ZCCHC7: variants seen among roughly 807,000 people sequenced by gnomAD.
ZCCHC7 encodes the protein zinc finger CCHC domain-containing protein 7.
Under a neutral mutation model 52.0 loss-of-function variants are expected in ZCCHC7, and 35 were observed. That is an observed-to-expected ratio of 0.67 (90% CI 0.51 to 0.89). ZCCHC7 has a LOEUF of 0.89. Ranked by LOEUF, ZCCHC7 falls within the 40% of genes least tolerant of loss-of-function variation. The pLI, the probability that ZCCHC7 is intolerant of heterozygous loss-of-function variation, is 0.00. For synonymous variants in ZCCHC7, 217 were observed against 221.5 expected, an observed-to-expected ratio of 0.98 and a Z score of 0.18; for missense variants, 574 against 649.1, an observed-to-expected ratio of 0.88 and a Z score of 1.26.
chr9:37,267,566 CTTTTTTT>C (rs983055913), intron 2 of ZCCHC7, among the ~76,000 whole-genome samples: 1 of 115,294 alleles, frequency 8.7e-6, no homozygotes. Context: ...CTAATTTTTT[CTTTTTTT>C]TTTTTTTTTT....
intron 2 of ZCCHC7, among the ~76,000 whole-genome samples, chr9:37,184,726 C>A (rs932259522): frequency 1.3e-5 from 2 of 148,564 alleles, no homozygotes; most frequent in Admixed American, 1.3e-4. Context: ...TGTTGAAGTT[C>A]AGGCTGCATG....
chr9:37,244,368 G>A (rs775383713), intron 2 of ZCCHC7, among the ~76,000 whole-genome samples: 1 of 151,552 alleles, frequency 6.6e-6, no homozygotes, highest in Non-Finnish European at 1.5e-5. Flanking sequence ...GTATAGTGAG[G>A]GTTATATTTT....
chr9:37,343,744 A>G (rs928504990), intron 6 of ZCCHC7, among the ~76,000 whole-genome samples: 19 of 152,150 alleles, frequency 1.2e-4, no homozygotes, highest in African/African-American at 4.6e-4. Flanking sequence ...CTCATTCACC[A>G]CCTATTTGTT....
chr9:37,346,975 A>G (rs1821017121), intron 6 of ZCCHC7, among the ~76,000 whole-genome samples: 1 of 152,192 alleles, frequency 6.6e-6, no homozygotes, highest in Non-Finnish European at 1.5e-5. Context: ...CACCTTGGGC[A>G]ACAGGGGAAG....
At position 37,205,553 on chromosome 9, in the gene ZCCHC7, G is replaced by A. The variant is rs144405328; in HGVS notation, c.610+78611G>A. ...TTTTTTTGAGACGGAGTCTCGCTCA[G>A]TCGCCCAGGTTGCAATGCAGAGGCA... On this transcript the variant is annotated intron_variant, in intron 2 of 8. Coordinates refer to ENST00000336755, the MANE Select transcript of ZCCHC7 (RefSeq NM_032226.3). 2.8e-3 allele frequency among the ~76,000 whole-genome samples: 424 copies of A among 152,312 alleles called. 9 individuals are homozygous for A. The highest frequency in any genetic ancestry group is 0.023 in the Admixed American group (351 of 15,304).
chr9:37,244,290 C>T (rs942361340), intron 2 of ZCCHC7, among the ~76,000 whole-genome samples: 3 of 151,128 alleles, frequency 2.0e-5, no homozygotes, highest in Non-Finnish European at 3.0e-5. Context: ...ACTGCCCCAG[C>T]CCTTGTTTTT....
chr9:37,314,528 G>T (rs931464814), intron 5 of ZCCHC7, among the ~76,000 whole-genome samples: 4 of 152,118 alleles, frequency 2.6e-5, no homozygotes, highest in Admixed American at 2.6e-4. Context: ...AATTATCTGA[G>T]TTATGAATTG....
At chr9:37,311,856 C>T (rs1365577677) in intron 5 of ZCCHC7, among the ~76,000 whole-genome samples, 1 of 152,086 alleles carries the variant, frequency 6.6e-6, no homozygotes, top group African/African-American at 2.4e-5. Context: ...GATGTTTCTT[C>T]AATAAATATA....
chr9:37,303,910 A>T (rs1348050032), intron 3 of ZCCHC7, among the ~76,000 whole-genome samples: 1 of 151,682 alleles, frequency 6.6e-6, no homozygotes, highest in African/African-American at 2.4e-5. Context: ...TGATCCGCCC[A>T]CCTCGGCCTC....
chr9:37,149,719 T>C (rs1843602051), intron 2 of ZCCHC7, among the ~76,000 whole-genome samples: 1 of 152,220 alleles, frequency 6.6e-6, no homozygotes, highest in African/African-American at 2.4e-5. Context: ...TATTACTGTT[T>C]GAGGTTCTTA....
chr9:37,229,190 G>C (rs1372364484), intron 2 of ZCCHC7, among the ~76,000 whole-genome samples: 1 of 152,082 alleles, frequency 6.6e-6, no homozygotes, highest in East Asian at 1.9e-4. Context: ...ATGGCTCACA[G>C]CTTCTTTGTA....
chr9:37,296,178 G>T (rs1338883488), intron 2 of ZCCHC7, among the ~76,000 whole-genome samples: 1 of 152,118 alleles, frequency 6.6e-6, no homozygotes, highest in Non-Finnish European at 1.5e-5. Flanking sequence ...TGGGTTGGGT[G>T]GAAAATTGGG....
chr9:37,289,677 C>G (rs1437016845), intron 2 of ZCCHC7, among the ~76,000 whole-genome samples: 8 of 152,102 alleles, frequency 5.3e-5, no homozygotes, highest in African/African-American at 1.9e-4. Flanking sequence ...AGTTATAAGT[C>G]AAATCATATT....
intron 2 of ZCCHC7, among the ~76,000 whole-genome samples, chr9:37,137,714 C>T (rs549376677): frequency 6.6e-6 from 1 of 152,274 alleles, no homozygotes; most frequent in Admixed American, 6.5e-5. Flanking sequence ...TCTTAAGGTA[C>T]AACTTTCACT....
At chr9:37,240,453 A>T (rs944199700) in intron 2 of ZCCHC7, among the ~76,000 whole-genome samples, 2 of 151,990 alleles carry the variant, frequency 1.3e-5, no homozygotes, top group Non-Finnish European at 2.9e-5. Flanking sequence ...GTGTGTTAGA[A>T]GGAAGATAAA....
intron 6 of ZCCHC7, among the ~76,000 whole-genome samples, chr9:37,338,522 A>G (rs551225385): frequency 1.3e-5 from 2 of 152,290 alleles, no homozygotes; most frequent in African/African-American, 2.4e-5. Context: ...TGGTTTATAA[A>G]ATTTCAGTGT....
chr9:37,135,029 C>CT (rs566890919), intron 2 of ZCCHC7, among the ~76,000 whole-genome samples: 223 of 152,206 alleles, frequency 1.5e-3, no homozygotes, highest in Non-Finnish European at 2.9e-3. Context: ...ACCCGGCCCT[C>CT]TTTCTTAATA....
At chr9:37,156,187 CT>C in intron 2 of ZCCHC7, among the ~76,000 whole-genome samples, 1 of 152,116 alleles carries the variant, frequency 6.6e-6, no homozygotes, top group East Asian at 1.9e-4. Flanking sequence ...GTTTGTTTCC[CT>C]TTTTCGTTAG....
At chr9:37,244,295 G>A (rs976893914) in intron 2 of ZCCHC7, among the ~76,000 whole-genome samples, 1 of 150,898 alleles carries the variant, frequency 6.6e-6, no homozygotes, top group Non-Finnish European at 1.5e-5. Context: ...CCCAGCCCTT[G>A]TTTTTTAAAT....
Sources: gnomAD v4.1 joint callset for allele counts (sites outside exome capture counted in the v4.1 genomes callset) on GRCh38, gnomAD v4.1.1 for gene constraint, MANE v1.5 for transcripts, NCBI Gene and HGNC (gene_info 2026-07-23, HGNC 2026-07-21) for gene names.